GNB5: variants seen among roughly 807,000 people sequenced by gnomAD.
GNB5 encodes guanine nucleotide-binding protein subunit beta-5.
A neutral mutation model predicts 55.3 loss-of-function variants in GNB5; 37 were observed. That is an observed-to-expected ratio of 0.67 (90% CI 0.51 to 0.88). The LOEUF (loss-of-function observed/expected upper bound fraction) is 0.88. Among genes scored for constraint, GNB5 ranks in the 40% least tolerant of loss-of-function variants. GNB5 has a pLI of 0.00. For missense variants in GNB5, 476 were observed against 515.3 expected (o/e 0.92, Z 0.74); for synonymous variants, 219 against 198.5 (o/e 1.10, Z -0.87).
intron 1 of GNB5, among the ~76,000 whole-genome samples, chr15:52,185,717 C>T (rs1330693787): frequency 6.6e-6 from 1 of 150,972 alleles, no homozygotes; most frequent in South Asian, 2.1e-4. Flanking sequence ...ACAGCAATAA[C>T]GTTCTAGTCC....
chr15:52,179,814 G>T lies in GNB5; in HGVS notation c.192C>A (p.Leu64=). 6.4e-7 allele frequency: 1 copy of T among 1,550,948 alleles called. No individual in the cohort carries two copies. ...LASLKSEAES[L]KGKLEEERAK... is the part of the protein sequence containing the mutation. ...CTCGCTCCTCCTCCAGCTTGCCCTTGAGGCTCTCGGCCTCGCTCTTCAGCG... is the reference window on the plus strand; with the variant it reads ...CTCGCTCCTCCTCCAGCTTGCCCTTTAGGCTCTCGGCCTCGCTCTTCAGCG... The change falls in exon 3 of 13, where the codon CTC becomes CTA. Residue 64 remains leucine, a synonymous_variant. Coordinates refer to ENST00000261837, the MANE Select transcript of GNB5 (RefSeq NM_016194.4).
At chr15:52,147,285 G>A in intron 6 of GNB5, 174 bp downstream of exon 6, 1 of 527,662 alleles carries the variant, frequency 1.9e-6, no homozygotes, top group Non-Finnish European at 3.5e-6. Flanking sequence ...TTACAAGCAG[G>A]CACCACTGTG....
At chr15:52,126,175 C>T (rs2033423310) in intron 10 of GNB5, 131 bp from the exon 11 acceptor site, 1 of 595,500 alleles carries the variant, frequency 1.7e-6, no homozygotes, top group Admixed American at 2.9e-5. Context: ...TTAGTTTTCC[C>T]TACTGTTATT....
intron 5 of GNB5, among the ~76,000 whole-genome samples, chr15:52,148,706 T>A (rs1485459069): frequency 6.6e-6 from 1 of 152,218 alleles, no homozygotes; most frequent in Non-Finnish European, 1.5e-5. Context: ...TAATTACATG[T>A]GTTTTTGTGG....
Position 52,133,366 on chromosome 15 carries a change from C to T in GNB5, c.863+12G>A, listed in dbSNP as rs1361229916. 1 of 1,552,876 alleles carries T rather than the reference C, an allele frequency of 6.4e-7. No homozygotes were observed. Among genetic ancestry groups the T allele is most frequent in the African/African-American group, 1.4e-5 (1 of 73,760 alleles). ...AGAACAGAGAGGTGGCATGAACATT[C>T]TACTCACTGACCGGACACTGTTGAT... is the stretch of plus-strand genomic sequence containing the variant. On this transcript the variant is annotated intron_variant, in intron 9 of 12. Coordinates refer to ENST00000261837, the MANE Select transcript of GNB5 (RefSeq NM_016194.4).
chr15:52,137,519 G>A (rs1045207151), intron 7 of GNB5: 32 of 1,016,080 alleles, frequency 3.1e-5, no homozygotes, highest in South Asian at 1.2e-4. Flanking sequence ...AAAAGCAAAC[G>A]TATGTTTTAG....
At chr15:52,179,619 G>T in intron 3 of GNB5, 149 bp downstream of exon 3, 1 of 304,066 alleles carries the variant, frequency 3.3e-6, no homozygotes, top group Non-Finnish European at 5.6e-6. Flanking sequence ...CCTCACCTGC[G>T]CGCCCGGGCC....
intron 3 of GNB5, among the ~76,000 whole-genome samples, chr15:52,170,262 C>A (rs917406114): frequency 2.0e-5 from 3 of 152,004 alleles, no homozygotes; most frequent in Non-Finnish European, 2.9e-5. Context: ...GATACATGCA[C>A]GAATGTTCAT....
At position 52,145,991 on chromosome 15, in the gene GNB5, C is replaced by G. The variant is rs185603159; in HGVS notation, c.494+1468G>C. Among the ~76,000 whole-genome samples, 353 of 137,340 alleles carry G rather than the reference C, an allele frequency of 2.6e-3. 2 individuals are homozygous for G. Among genetic ancestry groups the G allele is most frequent in the Admixed American group, 3.9e-3 (50 of 12,898 alleles). 90.1% of individuals were successfully genotyped at this position (137,340 alleles called of 152,430 possible). ...TTTTTTTTTGAGATGGAGTCTCGCT[C>G]TCTCCCCCAGGCTGGAGTGCAGTGG... is the stretch of plus-strand genomic sequence containing the variant. On this transcript the variant is annotated intron_variant, in intron 6 of 12. Transcript: ENST00000261837.
Position 52,122,522 on chromosome 15 carries a change from C to A in GNB5, c.*235G>T. The A allele has an allele frequency of 2.1e-6, 1 of 472,972 alleles. No individual in the cohort carries two copies. The highest frequency in any genetic ancestry group is 3.7e-6 in the Non-Finnish European group (1 of 268,592). 29.3% of individuals were successfully genotyped at this position (472,972 alleles called of 1,614,324 possible). A position where few individuals can be genotyped will look rare whatever the true frequency, so the allele number is the denominator to read the frequency against. ...AACAGATACATTTTAAAAAGTGTTC[C>A]AAAAGAAAAATACTGTACTTGAAGG... On this transcript the variant is annotated 3_prime_UTR_variant, in exon 13 of 13. Coordinates refer to ENST00000261837, the MANE Select transcript of GNB5 (RefSeq NM_016194.4).
chr15:52,167,765 GA>G (rs773541864), intron 3 of GNB5, among the ~76,000 whole-genome samples: 1 of 151,858 alleles, frequency 6.6e-6, no homozygotes, highest in Non-Finnish European at 1.5e-5. Context: ...CCAATACTGG[GA>G]AACTGAATCC....
intron 3 of GNB5, among the ~76,000 whole-genome samples, chr15:52,156,526 G>A (rs907240502): frequency 1.3e-5 from 2 of 152,222 alleles, no homozygotes; most frequent in African/African-American, 4.8e-5. Context: ...GAGCTCAGGA[G>A]TCTGAGATCA....
At chr15:52,124,887 G>A (rs1039324164) in intron 11 of GNB5, 28 of 365,632 alleles carry the variant, frequency 7.7e-5, no homozygotes, top group African/African-American at 4.8e-4. Context: ...CTTTACACAC[G>A]TAAAGTGCTA....
At chr15:52,138,444 A>G (rs1266771001) in intron 7 of GNB5, 1 of 153,438 alleles carries the variant, frequency 6.5e-6, no homozygotes, top group East Asian at 1.9e-4. Context: ...ACAAATTACA[A>G]GGAGGGGAAT....
chr15:52,182,125 A>G (rs114283838), intron 2 of GNB5, among the ~76,000 whole-genome samples: 1,589 of 152,264 alleles, frequency 0.01, 30 homozygotes, highest in African/African-American at 0.036. Flanking sequence ...TGAATGGGGG[A>G]CAACACCTCC....
chr15:52,144,483 T>C (rs1332374617), intron 6 of GNB5: 1 of 152,182 alleles, frequency 6.6e-6, no homozygotes, highest in Admixed American at 6.5e-5. Flanking sequence ...TCCTACTGAG[T>C]AGTGAAGAAC....
intron 3 of GNB5, among the ~76,000 whole-genome samples, chr15:52,157,202 C>T (rs945651887): frequency 1.1e-4 from 17 of 150,696 alleles, no homozygotes; most frequent in Non-Finnish European, 1.9e-4. Flanking sequence ...TCCCAAAGTG[C>T]TGGGATTACA....
chr15:52,187,965 T>TAA (rs36051999), intron 1 of GNB5, among the ~76,000 whole-genome samples: 8 of 148,336 alleles, frequency 5.4e-5, no homozygotes, highest in South Asian at 2.1e-4. Flanking sequence ...AATTAAAAAT[T>TAA]AAAAATAAAT....
At chr15:52,173,798 A>G (rs187805159) in intron 3 of GNB5, among the ~76,000 whole-genome samples, 33 of 152,272 alleles carry the variant, frequency 2.2e-4, no homozygotes, top group Non-Finnish European at 4.3e-4. Flanking sequence ...CTGCTTTTTC[A>G]TCTATAAGGG....
Sources: allele counts gnomAD v4.1 joint callset (sites outside exome capture counted in the v4.1 genomes callset), GRCh38; gene constraint gnomAD v4.1.1; transcripts MANE v1.5; gene names NCBI Gene and HGNC (gene_info 2026-07-23, HGNC 2026-07-21).